Variants in TRPV5 observed in about 807,000 individuals in gnomAD.
TRPV5 encodes the protein transient receptor potential cation channel subfamily V member 5, also known as calcium transport protein 2.
In TRPV5, 66 loss-of-function variants were observed where a neutral mutation model predicts 74.1. That is an observed-to-expected ratio of 0.89 (90% CI 0.73 to 1.09). The LOEUF (loss-of-function observed/expected upper bound fraction) is 1.09, where lower values mean the gene tolerates loss of function less well. Ranked by LOEUF, TRPV5 falls within the 50% of genes least tolerant of loss-of-function variation. The pLI, the probability that TRPV5 is intolerant of heterozygous loss-of-function variation, is 0.00. For synonymous variants in TRPV5, 399 were observed against 360.7 expected (o/e 1.11, Z -1.20); for missense variants, 936 against 930.4 (o/e 1.01, Z -0.08).
intron 13 of TRPV5, among the ~76,000 whole-genome samples, chr7:142,911,288 A>G (rs1274390228): frequency 2.0e-5 from 3 of 152,218 alleles, no homozygotes; most frequent in Admixed American, 2.0e-4. Context: ...AGATACCTCT[A>G]AAGTTAGTTT....
At chr7:142,928,322 C>A (rs4252416) in intron 6 of TRPV5, 88 bp from the exon 7 acceptor site, 1,025,658 of 1,424,844 alleles carry the variant, frequency 0.72, 376,984 homozygotes, top group East Asian at 0.93. Context: ...CAGTTGCCCA[C>A]CCCTTGAGAC....
At chr7:142,909,426 G>A (rs1370954901) in intron 14 of TRPV5, 64 bp downstream of exon 14, 5 of 1,566,536 alleles carry the variant, frequency 3.2e-6, no homozygotes, top group Non-Finnish European at 4.4e-6. Flanking sequence ...GACGCCTGTC[G>A]GTCACCCTTG....
At position 142,909,368 on chromosome 7, in the gene TRPV5, C is replaced by G. The variant is rs1350945831; in HGVS notation, c.1895+122G>C. Reference sequence around the variant, plus strand: ...ACACACAGCATTCTTCGTACCCCTCCACTTCAGCTCCAGCCCCCTCCCCTA... The same window carrying G: ...ACACACAGCATTCTTCGTACCCCTCGACTTCAGCTCCAGCCCCCTCCCCTA... On this transcript the variant is annotated intron_variant, in intron 14 of 14. Coordinates refer to ENST00000265310, the MANE Select transcript of TRPV5 (RefSeq NM_019841.7). The G allele has an allele frequency of 1.0e-5, 10 of 986,538 alleles. No individual in the cohort carries two copies. In the Admixed American group the frequency reaches 2.3e-4, roughly 23 times the overall value. 61.1% of individuals were successfully genotyped at this position (986,538 alleles called of 1,614,324 possible).
rs368173535 is a variant in TRPV5, at chr7:142,914,712, G to A, written c.1453-6C>T. 5.0e-6 allele frequency: 8 copies of A among 1,613,342 alleles called. No individual in the cohort carries two copies. The highest frequency in any genetic ancestry group is 6.8e-6 in the Non-Finnish European group (8 of 1,179,702). ...ATTAGGTCTCCAAAAATCATCTGCA[G>A]GAAACAGAAGGAAGAAAGGGTGGGA... On this transcript the variant is annotated splice_polypyrimidine_tract_variant and splice_region_variant and intron_variant, in intron 11 of 14. Transcript: ENST00000265310.
chr7:142,928,009 G>A, intron 7 of TRPV5, 79 bp downstream of exon 7: 1 of 1,571,906 alleles, frequency 6.4e-7, no homozygotes, highest in Non-Finnish European at 8.7e-7. Flanking sequence ...TCAGGCCCAG[G>A]ATCTTAGTAA....
In TRPV5 at chr7:142,909,534, C is replaced by T; in HGVS notation, c.1851G>A (p.Gly617=). The change falls in exon 14 of 15, where the codon GGG becomes GGA. Residue 617 remains glycine, a synonymous_variant. Transcript: ENST00000265310. The part of the protein sequence containing the change: ...KLPRCLWPRS[G]ICGCEFGLGD... ...CCAGCCCGAATTCGCACCCACAGAT[C>T]CCGGAGCGAGGCCACAGGCAGCGAG... is the stretch of plus-strand genomic sequence containing the variant. The T allele has an allele frequency of 6.2e-7, 1 of 1,614,130 alleles. No homozygotes were observed. The highest frequency in any genetic ancestry group is 1.3e-5 in the African/African-American group (1 of 75,054).
rs780157311 is a variant in TRPV5 at position 142,912,469 on chromosome 7, C to G, written c.1788+13G>C. The G allele has an allele frequency of 5.0e-6, 8 of 1,607,590 alleles. No individual in the cohort carries two copies. In the Admixed American group the frequency reaches 1.3e-4, roughly 27 times the overall value. On this transcript the variant is annotated intron_variant, in intron 13 of 14. Transcript: ENST00000265310. ...CCCCTGCTTCTTAGCAAGACTAACACAAATAAACTCACCTGGGCCCTCCAG... is the reference window on the plus strand; with the variant it reads ...CCCCTGCTTCTTAGCAAGACTAACAGAAATAAACTCACCTGGGCCCTCCAG...
At chr7:142,932,246 T>C (rs1796108638) in intron 1 of TRPV5, among the ~76,000 whole-genome samples, 1 of 152,016 alleles carries the variant, frequency 6.6e-6, no homozygotes, top group African/African-American at 2.4e-5. Context: ...TGGCCCTCTA[T>C]CCCCACTGCC....
chr7:142,929,592 G>T (rs961924677), intron 3 of TRPV5, 27 bp from the exon 4 acceptor site: 2 of 1,607,960 alleles, frequency 1.2e-6, no homozygotes, highest in South Asian at 1.1e-5. Flanking sequence ...CATCATCAGG[G>T]TCTCCCTCTG....
In TRPV5 at chr7:142,929,012, C is replaced by T. The variant is rs762831360; in HGVS notation, c.586+10G>A. 4.3e-5 allele frequency: 69 copies of T among 1,613,782 alleles called. No homozygotes were observed. Among genetic ancestry groups the T allele is most frequent in the Admixed American group, 3.3e-5 (2 of 59,996 alleles). On this transcript the variant is annotated intron_variant, in intron 5 of 14. Coordinates refer to ENST00000265310, the MANE Select transcript of TRPV5 (RefSeq NM_019841.7). The stretch of plus-strand genomic sequence containing the variant: ...AGCATCCCAGCTCCCCTCCCCATCC[C>T]AGCTCTTACCCAGGGAGTCCTGGGC...
intron 6 of TRPV5, 79 bp from the exon 7 acceptor site, chr7:142,928,313 A>C: frequency 6.7e-7 from 1 of 1,497,760 alleles, no homozygotes; most frequent in Non-Finnish European, 9.3e-7. Context: ...GGATGGAGCC[A>C]GTTGCCCACC....
chr7:142,927,720 C>G (rs550708091), intron 7 of TRPV5, among the ~76,000 whole-genome samples: 1 of 152,306 alleles, frequency 6.6e-6, no homozygotes, highest in South Asian at 2.1e-4. Context: ...TCACCTCCCA[C>G]CAGGCCCCTT....
At chr7:142,930,479 C>T (rs1237759123) in intron 1 of TRPV5, 33 bp from the exon 2 acceptor site, 5 of 1,537,302 alleles carry the variant, frequency 3.3e-6, no homozygotes, top group Middle Eastern at 1.7e-4. Context: ...TTGGAAGAGA[C>T]AGTCATAGCA....
chr7:142,913,334 G>A (rs1213997731), intron 12 of TRPV5, among the ~76,000 whole-genome samples: 2 of 152,212 alleles, frequency 1.3e-5, no homozygotes, highest in African/African-American at 2.4e-5. Flanking sequence ...TCAGGACAGC[G>A]CTGGACTGCT....
chr7:142,920,321 A>T (rs759947970), intron 8 of TRPV5, among the ~76,000 whole-genome samples: 3 of 152,202 alleles, frequency 2.0e-5, no homozygotes, highest in Non-Finnish European at 4.4e-5. Flanking sequence ...CCACAGAATT[A>T]TGACTTGCCC....
In TRPV5 at chr7:142,912,836, TGATC is replaced by T. The variant is rs1332488523; in HGVS notation, c.1520-90_1520-87del. ...ACATGGTTAGCACTTATTCTATCTC[TGATC>T]TATCTATCTATCTATCTATCTATCT... On this transcript the variant is annotated intron_variant, in intron 12 of 14. Transcript: ENST00000265310. The T allele has an allele frequency of 7.5e-6, 7 of 931,882 alleles. No individual in the cohort carries two copies. In the African/African-American group the frequency reaches 1.5e-4, roughly 20 times the overall value. The allele number at this position is 931,882 out of a possible 1,614,324, so 57.7% of individuals were successfully genotyped here.
At chr7:142,913,161 A>T (rs1320520755) in intron 12 of TRPV5, among the ~76,000 whole-genome samples, 1 of 152,236 alleles carries the variant, frequency 6.6e-6, no homozygotes, top group Non-Finnish European at 1.5e-5. Flanking sequence ...TTTAAAGAAC[A>T]GAACACATGA....
At chr7:142,913,198 T>A (rs748708297) in intron 12 of TRPV5, among the ~76,000 whole-genome samples, 26 of 152,224 alleles carry the variant, frequency 1.7e-4, no homozygotes, top group Non-Finnish European at 2.4e-4. Flanking sequence ...GCCCCTTTTT[T>A]AATCTTGATG....
At chr7:142,914,732 G>C (rs1199425161) in intron 11 of TRPV5, 26 bp from the exon 12 acceptor site, 1 of 1,611,770 alleles carries the variant, frequency 6.2e-7, no homozygotes, top group Non-Finnish European at 8.5e-7. Context: ...GGAAGAAAGG[G>C]TGGGATGATT....
Sources: allele counts gnomAD v4.1 joint callset (sites outside exome capture counted in the v4.1 genomes callset), GRCh38; gene constraint gnomAD v4.1.1; transcripts MANE v1.5; gene names NCBI Gene and HGNC (gene_info 2026-07-23, HGNC 2026-07-21).